Variants in RBM34 observed in about 807,000 individuals in gnomAD.
The protein encoded by RBM34 is RNA-binding protein 34.
A neutral mutation model predicts 44.6 loss-of-function variants in RBM34; 39 were observed. The ratio of observed to expected loss-of-function variants is 0.87; its 90% CI spans 0.68 to 1.14. The LOEUF is 1.14. RBM34 is among the 50% of genes most tolerant of loss of function. RBM34 has a pLI of 0.00. For missense variants in RBM34, 572 were observed against 517.9 expected, an observed-to-expected ratio of 1.10 and a Z score of -1.01; for synonymous variants, 194 against 184.0, an observed-to-expected ratio of 1.05 and a Z score of -0.44.
At chr1:235,159,660 A>C (rs1460737087) in intron 3 of RBM34, among the ~76,000 whole-genome samples, 2 of 151,940 alleles carry the variant, frequency 1.3e-5, no homozygotes, top group African/African-American at 4.8e-5. Flanking sequence ...ACCTGAGGTC[A>C]GGAGTTCAAG....
chr1:235,146,823 G>A (rs1490478093), intron 6 of RBM34, among the ~76,000 whole-genome samples: 1 of 152,134 alleles, frequency 6.6e-6, no homozygotes, highest in African/African-American at 2.4e-5. Flanking sequence ...GTTTTGCCAT[G>A]TTGGCCAGGC....
intron 3 of RBM34, among the ~76,000 whole-genome samples, chr1:235,155,834 T>TATATATAC (rs1558149148): frequency 4.3e-4 from 9 of 21,028 alleles, no homozygotes; most frequent in Middle Eastern, 0.019. Flanking sequence ...TATATATATA[T>TATATATAC]ATATATATAT....
chr1:235,159,290 G>T (rs1025869295), intron 3 of RBM34, among the ~76,000 whole-genome samples: 1 of 151,814 alleles, frequency 6.6e-6, no homozygotes, highest in African/African-American at 2.4e-5. Flanking sequence ...GATGGCTCAC[G>T]TATGTAATCC....
intron 6 of RBM34, among the ~76,000 whole-genome samples, chr1:235,140,360 G>T (rs141415707): frequency 0.013 from 1,953 of 152,264 alleles, 18 homozygotes; most frequent in African/African-American, 0.029. Flanking sequence ...CGTGGGCTTG[G>T]CGGGCCCCGC....
At chr1:235,161,126 G>A (rs1321603227) in intron 1 of RBM34, 48 bp downstream of exon 1, 1 of 1,604,268 alleles carries the variant, frequency 6.2e-7, no homozygotes, top group African/African-American at 1.3e-5. Flanking sequence ...CCAGCACGAG[G>A]GAACGTACAA....
chr1:235,150,677 G>A (rs988377410), intron 5 of RBM34, among the ~76,000 whole-genome samples: 1 of 151,930 alleles, frequency 6.6e-6, no homozygotes, highest in Non-Finnish European at 1.5e-5. Context: ...GTATTTCACT[G>A]ACAGAATAAT....
intron 3 of RBM34, among the ~76,000 whole-genome samples, chr1:235,159,756 C>A (rs1347781851): frequency 6.6e-6 from 1 of 150,564 alleles, no homozygotes; most frequent in African/African-American, 2.4e-5. Flanking sequence ...AATCTCAGCT[C>A]CACGGGAGGC....
chr1:235,150,850 G>C (rs1430288843), intron 5 of RBM34, among the ~76,000 whole-genome samples: 2 of 152,160 alleles, frequency 1.3e-5, no homozygotes, highest in Non-Finnish European at 2.9e-5. Flanking sequence ...GGACACACTG[G>C]TAGCCTAGAG....
At chr1:235,152,525 T>G (rs1434652224) in intron 5 of RBM34, 181 bp downstream of exon 5, 1 of 1,336,152 alleles carries the variant, frequency 7.5e-7, no homozygotes, top group Admixed American at 3.6e-5. Flanking sequence ...CTCAATACAT[T>G]ATTTAAAAAG....
rs72756035 is a variant in RBM34, at chr1:235,151,031, G to C, written c.657+1675C>G. 9.8e-3 allele frequency among the ~76,000 whole-genome samples: 1,498 copies of C among 152,340 alleles called. 18 individuals carry two copies. Among genetic ancestry groups the C allele is most frequent in the Non-Finnish European group, 0.011 (750 of 68,038 alleles). ...GAGCTTCAGGAAGACTGAGTTCACAGTGTTTTGTTGGACAAATTAGAGGAA... is the reference window on the plus strand; with the variant it reads ...GAGCTTCAGGAAGACTGAGTTCACACTGTTTTGTTGGACAAATTAGAGGAA... On this transcript the variant is annotated intron_variant, in intron 5 of 10. Transcript: ENST00000408888.
chr1:235,159,505 G>A (rs113163599), intron 3 of RBM34, among the ~76,000 whole-genome samples: 28,906 of 146,880 alleles, frequency 0.2, 3,560 homozygotes, highest in African/African-American at 0.35. Context: ...TCAAGATTGC[G>A]CCACTGCACT....
intron 1 of RBM34, 45 bp downstream of exon 1, chr1:235,161,129 A>G (rs1393158429): frequency 6.2e-7 from 1 of 1,602,944 alleles, no homozygotes; most frequent in South Asian, 1.1e-5. Flanking sequence ...GCACGAGGGA[A>G]CGTACAACAT....
chr1:235,160,521 A>G lies in RBM34; in HGVS notation c.355T>C (p.Leu119=), dbSNP rs763161280. The G allele has an allele frequency of 1.2e-6, 2 of 1,609,746 alleles. No homozygotes were observed. The highest frequency in any genetic ancestry group is 1.7e-6 in the Non-Finnish European group (2 of 1,179,072). The change falls in exon 3 of 11, where the codon TTG becomes CTG. Residue 119 remains leucine, a synonymous_variant. Transcript: ENST00000408888. ...GAGAATTTTACCAACCTGTCTGCCA[A>G]CTTTTTTTCTGCGTTAGTGTGTTTC... The part of the protein sequence containing the change: ...KKKHTNAEKK[L]ADRESALASA...
At chr1:235,139,756 C>T (rs1387520551) in intron 6 of RBM34, among the ~76,000 whole-genome samples, 1 of 152,192 alleles carries the variant, frequency 6.6e-6, no homozygotes, top group African/African-American at 2.4e-5. Context: ...TGGGGAAAGC[C>T]AGCAGCTAGA....
At chr1:235,149,339 A>T (rs1173624808) in intron 5 of RBM34, among the ~76,000 whole-genome samples, 4 of 150,284 alleles carry the variant, frequency 2.7e-5, no homozygotes, top group Non-Finnish European at 4.4e-5. Flanking sequence ...CAGTGAGCCC[A>T]GATGGCACCA....
chr1:235,152,195 G>A (rs1414458905), intron 5 of RBM34, among the ~76,000 whole-genome samples: 2 of 151,524 alleles, frequency 1.3e-5, no homozygotes, highest in Non-Finnish European at 2.9e-5. Context: ...CTTATTTCCT[G>A]CTCCAAAGAA....
At chr1:235,145,397 C>T (rs1383757909) in intron 6 of RBM34, among the ~76,000 whole-genome samples, 1 of 151,970 alleles carries the variant, frequency 6.6e-6, no homozygotes, top group Non-Finnish European at 1.5e-5. Flanking sequence ...CCCACCTCAG[C>T]CCCCAGAGTA....
chr1:235,138,841 T>TA (rs1445280714), intron 6 of RBM34, among the ~76,000 whole-genome samples: 1 of 152,230 alleles, frequency 6.6e-6, no homozygotes, highest in African/African-American at 2.4e-5. Flanking sequence ...TATCTCTTTA[T>TA]CTCTCACTAT....
chr1:235,155,813 A>T (rs1453420089), intron 3 of RBM34, among the ~76,000 whole-genome samples: 1 of 99,302 alleles, frequency 1.0e-5, no homozygotes, highest in Admixed American at 1.0e-4. Flanking sequence ...TCTTTTATAC[A>T]TACATATACA....
Sources: allele counts gnomAD v4.1 joint callset (sites outside exome capture counted in the v4.1 genomes callset), GRCh38; gene constraint gnomAD v4.1.1; transcripts MANE v1.5; gene names NCBI Gene and HGNC (gene_info 2026-07-23, HGNC 2026-07-21).